SVBP: variants seen among roughly 807,000 people sequenced by gnomAD.
SVBP encodes small vasohibin binding protein.
A neutral mutation model predicts 9.2 loss-of-function variants in SVBP; 9 were observed. That is an observed-to-expected ratio of 0.98 (90% confidence interval 0.59 to 1.71). The LOEUF (loss-of-function observed/expected upper bound fraction) is 1.71. Ranked by LOEUF, SVBP falls within the 40% of genes most tolerant of loss-of-function variation. The pLI, the probability that SVBP is intolerant of heterozygous loss-of-function variation, is 0.00. For missense variants in SVBP, 63 were observed against 73.2 expected, an observed-to-expected ratio of 0.86 and a Z score of 0.51; for synonymous variants, 27 against 23.9, an observed-to-expected ratio of 1.13 and a Z score of -0.37.
At chr1:42,816,790 T>A (rs1358780641) in intron 1 of SVBP, 4 of 461,742 alleles carry the variant, frequency 8.7e-6, no homozygotes, top group Admixed American at 7.8e-5. Context: ...CCTCCCCACT[T>A]TGAGCCTTAG....
At chr1:42,815,059 T>C (rs889669451) in intron 2 of SVBP, among the ~76,000 whole-genome samples, 1 of 152,060 alleles carries the variant, frequency 6.6e-6, no homozygotes, top group African/African-American at 2.4e-5. Context: ...TGAGTTCATG[T>C]CCTTTGTAGG....
Position 42,816,528 on chromosome 1 carries a change from C to T in SVBP, c.17G>A (p.Arg6His). The T allele has an allele frequency of 1.2e-6, 2 of 1,613,606 alleles. No homozygotes were observed. The highest frequency in any genetic ancestry group is 8.5e-7 in the Non-Finnish European group (1 of 1,179,548). The change falls in exon 2 of 3, where the codon CGT becomes CAT. Residue 6 changes from arginine to histidine, a missense_variant. Transcript: ENST00000372521. The part of the protein sequence containing the change: MDPPA[R>H]KEKTKVKESV... ...TTCTTTAACTTTGGTTTTTTCTTTA[C>T]GTGCAGGTGGATCCATGGCTTGACT...
intron 2 of SVBP, among the ~76,000 whole-genome samples, chr1:42,812,237 A>G (rs1168046899): frequency 6.6e-6 from 1 of 152,232 alleles, no homozygotes; most frequent in Non-Finnish European, 1.5e-5. Context: ...TTGAATTTAC[A>G]TTAGCAAATG....
chr1:42,811,888 A>G lies in SVBP; in HGVS notation c.115-4388T>C, dbSNP rs1194238383. Among the ~76,000 whole-genome samples, 4 of 152,332 alleles carry G rather than the reference A, an allele frequency of 2.6e-5. No homozygotes were observed. In the East Asian group the frequency reaches 7.7e-4, roughly 29 times the overall value. On this transcript the variant is annotated intron_variant, in intron 2 of 2. Transcript: ENST00000372521. The stretch of plus-strand genomic sequence containing the variant: ...AACAATGTCCTCAACATCTATCCTT[A>G]CAATATGCACAGAGGACAGTTTCAT...
At chr1:42,816,666 G>A (rs1654219125) in intron 1 of SVBP, 86 bp from the exon 2 acceptor site, 3 of 679,982 alleles carry the variant, frequency 4.4e-6, no homozygotes, top group African/African-American at 1.8e-5. Flanking sequence ...CTTTAGCTCC[G>A]CCCCATCCTT....
At chr1:42,813,864 G>A (rs561355578) in intron 2 of SVBP, 2 of 302,222 alleles carry the variant, frequency 6.6e-6, no homozygotes, top group Non-Finnish European at 1.3e-5. Context: ...GATCCAGGTG[G>A]GAATGGGAAG....
At chr1:42,810,687 C>T (rs1330738508) in intron 2 of SVBP, among the ~76,000 whole-genome samples, 1 of 152,090 alleles carries the variant, frequency 6.6e-6, no homozygotes, top group Non-Finnish European at 1.5e-5. Context: ...CAGTGTCAAA[C>T]GGTGCTTCCA....
At chr1:42,814,096 T>C (rs112404630) in intron 2 of SVBP, among the ~76,000 whole-genome samples, 5 of 151,414 alleles carry the variant, frequency 3.3e-5, no homozygotes, top group East Asian at 2.0e-4. Context: ...TTTTCTTTTT[T>C]TTTTGTTTTT....
chr1:42,809,992 T>C (rs1161516360), intron 2 of SVBP, among the ~76,000 whole-genome samples: 1 of 152,126 alleles, frequency 6.6e-6, no homozygotes, highest in Non-Finnish European at 1.5e-5. Flanking sequence ...GTGAGGTACA[T>C]GACCAGGAAA....
At chr1:42,810,302 C>T (rs1212790365) in intron 2 of SVBP, among the ~76,000 whole-genome samples, 1 of 152,056 alleles carries the variant, frequency 6.6e-6, no homozygotes, top group East Asian at 1.9e-4. Context: ...CGTGCACCAC[C>T]GTGCCTGGCT....
chr1:42,812,282 A>G (rs1449858534), intron 2 of SVBP, among the ~76,000 whole-genome samples: 1 of 152,238 alleles, frequency 6.6e-6, no homozygotes, highest in Non-Finnish European at 1.5e-5. Flanking sequence ...CTCAGCAGCA[A>G]AAGTGAAGAA....
chr1:42,811,176 A>G (rs1654077049), intron 2 of SVBP, among the ~76,000 whole-genome samples: 1 of 150,600 alleles, frequency 6.6e-6, no homozygotes, highest in Admixed American at 6.6e-5. Flanking sequence ...AAACAGAAAA[A>G]AAAACAGCAA....
chr1:42,813,028 T>G (rs372407192), intron 2 of SVBP, among the ~76,000 whole-genome samples: 24 of 152,346 alleles, frequency 1.6e-4, no homozygotes, highest in African/African-American at 5.5e-4. Context: ...AAAAAAATCA[T>G]GCCTAGTCAA....
Position 42,817,023 on chromosome 1 carries a change from G to A in SVBP, c.-37+167C>T, listed in dbSNP as rs913963923. ...GCAGCAGCCGCTCCTGGGGCCAGGG[G>A]GCCGGGCCCCATAGCCAGCCGGGCC... On this transcript the variant is annotated intron_variant, in intron 1 of 2. Transcript: ENST00000372521. 6 of 358,638 alleles carry A rather than the reference G, an allele frequency of 1.7e-5. No homozygotes were observed. In the East Asian group the frequency reaches 9.5e-4, roughly 57 times the overall value. The allele number at this position is 358,638 out of a possible 1,614,324, so 22.2% of individuals were successfully genotyped here. A position where few individuals can be genotyped will look rare whatever the true frequency, so the allele number is the denominator to read the frequency against.
intron 2 of SVBP, among the ~76,000 whole-genome samples, chr1:42,808,146 T>C (rs1570513576): frequency 1.6e-5 from 1 of 63,452 alleles, no homozygotes; most frequent in Non-Finnish European, 3.2e-5. Context: ...TGTGTGTGTG[T>C]GTGTATATAT....
At chr1:42,817,011 C>T (rs1416096588) in intron 1 of SVBP, 179 bp downstream of exon 1, 1 of 325,734 alleles carries the variant, frequency 3.1e-6, no homozygotes, top group East Asian at 1.6e-4. Flanking sequence ...GCAGCCGCTC[C>T]TGGGGCCAGG....
At chr1:42,815,419 G>A (rs1654178725) in intron 2 of SVBP, among the ~76,000 whole-genome samples, 1 of 149,530 alleles carries the variant, frequency 6.7e-6, no homozygotes, top group African/African-American at 2.5e-5. Context: ...AAAAAGCAAT[G>A]TGGCAATGTC....
intron 2 of SVBP, among the ~76,000 whole-genome samples, chr1:42,814,891 C>T (rs918241483): frequency 2.0e-5 from 3 of 151,760 alleles, no homozygotes; most frequent in Admixed American, 6.6e-5. Flanking sequence ...GGATTATAAA[C>T]CATGCTGCTA....
intron 2 of SVBP, among the ~76,000 whole-genome samples, chr1:42,815,112 G>A (rs1183538001): frequency 1.6e-4 from 24 of 150,284 alleles, no homozygotes; most frequent in East Asian, 4.0e-4. Flanking sequence ...GCAAACTATC[G>A]TAAGAACAAA....
Sources: gnomAD v4.1 joint callset for allele counts (sites outside exome capture counted in the v4.1 genomes callset) on GRCh38, gnomAD v4.1.1 for gene constraint, MANE v1.5 for transcripts, NCBI Gene and HGNC (gene_info 2026-07-23, HGNC 2026-07-21) for gene names.